CDK8: variants seen among roughly 807,000 people sequenced by gnomAD.
CDK8 encodes cyclin dependent kinase 8, also known as cyclin-dependent kinase 8.
A neutral mutation model predicts 71.5 loss-of-function variants in CDK8; 29 were observed. The ratio of observed to expected loss-of-function variants is 0.41; its 90% CI spans 0.30 to 0.55. The LOEUF is 0.55. Among genes scored for constraint, CDK8 ranks in the 20% least tolerant of loss-of-function variants. CDK8 has a pLI of 0.37. For synonymous variants in CDK8, 161 were observed against 192.1 expected (o/e 0.84, Z 1.34); for missense variants, 288 against 572.6 (o/e 0.50, Z 5.07).
At chr13:26,385,149 C>G (rs2138049662) in intron 5 of CDK8, 62 bp from the exon 6 acceptor site, 1 of 1,342,602 alleles carries the variant, frequency 7.4e-7, no homozygotes, top group South Asian at 1.3e-5. Flanking sequence ...GTAAATTAGA[C>G]TAATTGGTTA....
chr13:26,403,047 G>A (rs953787087), intron 12 of CDK8, among the ~76,000 whole-genome samples: 1 of 152,208 alleles, frequency 6.6e-6, no homozygotes, highest in African/African-American at 2.4e-5. Flanking sequence ...CAAATAGTAT[G>A]AGAGAGAGGT....
At chr13:26,383,763 C>T (rs1875343110) in intron 5 of CDK8, among the ~76,000 whole-genome samples, 2 of 152,150 alleles carry the variant, frequency 1.3e-5, no homozygotes, top group South Asian at 4.1e-4. Flanking sequence ...TCTCACTTTC[C>T]ACTTCTAATT....
intron 3 of CDK8, among the ~76,000 whole-genome samples, chr13:26,350,260 C>T (rs1873630674): frequency 6.6e-6 from 1 of 152,128 alleles, no homozygotes; most frequent in Non-Finnish European, 1.5e-5. Context: ...GATGAGAGCT[C>T]TATTACAAAA....
chr13:26,305,178 T>C (rs1173959762), intron 1 of CDK8, among the ~76,000 whole-genome samples: 1 of 152,236 alleles, frequency 6.6e-6, no homozygotes, highest in Non-Finnish European at 1.5e-5. Context: ...TATTTTAGTT[T>C]GTCTGAAAAT....
intron 1 of CDK8, among the ~76,000 whole-genome samples, chr13:26,293,657 G>A (rs1873408607): frequency 6.7e-6 from 1 of 150,106 alleles, no homozygotes; most frequent in Non-Finnish European, 1.5e-5. Context: ...ACATGGTTTT[G>A]AAATATGTGG....
Position 26,311,478 on chromosome 13 carries a change from A to G in CDK8, c.129-26089A>G, listed in dbSNP as rs539583795. 2.6e-5 allele frequency among the ~76,000 whole-genome samples: 4 copies of G among 152,354 alleles called. No homozygotes were observed. The South Asian group carries it at 8.3e-4, about 32-fold the overall frequency. On this transcript the variant is annotated intron_variant, in intron 1 of 12. Transcript: ENST00000381527. ...GGAGATTCTAATATCTCACAAAACC[A>G]TTAAGTCATGATTTCAGGCAACTTC...
At chr13:26,378,612 T>A (rs1875068215) in intron 4 of CDK8, among the ~76,000 whole-genome samples, 3 of 152,224 alleles carry the variant, frequency 2.0e-5, no homozygotes, top group African/African-American at 7.2e-5. Flanking sequence ...GATATTATAA[T>A]TTAAGTCATG....
At chr13:26,262,098 C>CT (rs1871794960) in intron 1 of CDK8, among the ~76,000 whole-genome samples, 1 of 152,182 alleles carries the variant, frequency 6.6e-6, no homozygotes, top group African/African-American at 2.4e-5. Flanking sequence ...GCTGGAAATG[C>CT]TTTTTTCTCA....
At chr13:26,320,486 TTGGATATG>T (rs1435804298) in intron 1 of CDK8, among the ~76,000 whole-genome samples, 1 of 152,128 alleles carries the variant, frequency 6.6e-6, no homozygotes, top group Non-Finnish European at 1.5e-5. Flanking sequence ...TTTTGATTTC[TTGGATATG>T]GCACAGGCAA....
intron 1 of CDK8, among the ~76,000 whole-genome samples, chr13:26,302,690 T>C (rs907707845): frequency 1.3e-5 from 2 of 152,162 alleles, no homozygotes; most frequent in African/African-American, 4.8e-5. Flanking sequence ...ATCATTGTTA[T>C]AGTTTAGGGG....
At chr13:26,327,963 C>CT (rs35077180) in intron 1 of CDK8, among the ~76,000 whole-genome samples, 117,451 of 143,732 alleles carry the variant, frequency 0.82, 49,429 homozygotes, top group East Asian at 0.98. Context: ...TAAGAGCTGT[C>CT]TTTTTTTTTT....
chr13:26,367,356 G>A (rs1470553066), intron 4 of CDK8, among the ~76,000 whole-genome samples: 1 of 151,638 alleles, frequency 6.6e-6, no homozygotes, highest in Non-Finnish European at 1.5e-5. Flanking sequence ...GGAAGCGATA[G>A]AAAATCTTGG....
chr13:26,348,504 A>G (rs1367255822), intron 2 of CDK8, among the ~76,000 whole-genome samples: 3 of 152,116 alleles, frequency 2.0e-5, no homozygotes, highest in African/African-American at 7.2e-5. Flanking sequence ...TCTAATGCCT[A>G]ATGAATGATC....
chr13:26,349,736 CT>C (rs573386612), intron 3 of CDK8, among the ~76,000 whole-genome samples: 70 of 152,212 alleles, frequency 4.6e-4, no homozygotes, highest in South Asian at 2.5e-3. Context: ...GAGGAACAAT[CT>C]TGTATTTGAA....
At chr13:26,267,850 AT>A (rs1313393081) in intron 1 of CDK8, among the ~76,000 whole-genome samples, 5 of 152,138 alleles carry the variant, frequency 3.3e-5, no homozygotes, top group African/African-American at 1.2e-4. Context: ...TTTGCCATGG[AT>A]GATACACTGG....
At chr13:26,331,804 G>A (rs1475667687) in intron 1 of CDK8, among the ~76,000 whole-genome samples, 2 of 151,912 alleles carry the variant, frequency 1.3e-5, no homozygotes, top group Non-Finnish European at 2.9e-5. Context: ...GCTCTTTTTT[G>A]GTTCCATACA....
intron 2 of CDK8, among the ~76,000 whole-genome samples, chr13:26,344,178 A>G (rs1215324896): frequency 1.3e-5 from 2 of 152,120 alleles, no homozygotes; most frequent in Non-Finnish European, 2.9e-5. Flanking sequence ...TATTTTATTT[A>G]GGGTTATGGC....
intron 1 of CDK8, among the ~76,000 whole-genome samples, chr13:26,269,425 C>T (rs1322265705): frequency 6.6e-6 from 1 of 152,178 alleles, no homozygotes; most frequent in Non-Finnish European, 1.5e-5. Context: ...CCAAGACTAG[C>T]TGACCTCTGC....
intron 1 of CDK8, among the ~76,000 whole-genome samples, chr13:26,274,290 A>C (rs1872470918): frequency 6.6e-6 from 1 of 152,150 alleles, no homozygotes; most frequent in South Asian, 2.1e-4. Flanking sequence ...TGATCTTTGC[A>C]AATTTGATAG....
Sources: gnomAD v4.1 joint callset for allele counts (sites outside exome capture counted in the v4.1 genomes callset) on GRCh38, gnomAD v4.1.1 for gene constraint, MANE v1.5 for transcripts, NCBI Gene and HGNC (gene_info 2026-07-23, HGNC 2026-07-21) for gene names.